GPR157: variants seen among roughly 807,000 people sequenced by gnomAD.
GPR157 encodes G-protein coupled receptor 157.
GPR157 carries 16 observed loss-of-function variants against 23.5 expected under a neutral mutation model. The observed-to-expected ratio is 0.68, with a 90% CI of 0.46 to 1.04. The LOEUF (loss-of-function observed/expected upper bound fraction) is 1.04, where lower values mean the gene tolerates loss of function less well. Among genes scored for constraint, GPR157 ranks in the 50% least tolerant of loss-of-function variants. GPR157 has a pLI of 0.00. For missense variants in GPR157, 440 were observed against 460.7 expected (o/e 0.96, Z 0.41); for synonymous variants, 200 against 221.5 (o/e 0.90, Z 0.86).
intron 2 of GPR157, among the ~76,000 whole-genome samples, chr1:9,109,550 A>C (rs568560138): frequency 4.0e-5 from 6 of 151,828 alleles, no homozygotes; most frequent in African/African-American, 1.5e-4. Context: ...GTGCCACCAC[A>C]TCCAGCTAAT....
chr1:9,121,425 G>A (rs1423406720), intron 1 of GPR157, among the ~76,000 whole-genome samples: 1 of 151,708 alleles, frequency 6.6e-6, no homozygotes, highest in Non-Finnish European at 1.5e-5. Context: ...ATCATTTGAG[G>A]TCAGGAGTTT....
At position 9,128,905 on chromosome 1, in the gene GPR157, G is replaced by A. The variant is rs1163959187; in HGVS notation, c.123C>T (p.Asp41=). The A allele has an allele frequency of 6.5e-7, 1 of 1,548,748 alleles. No homozygotes were observed. The highest frequency in any genetic ancestry group is 8.7e-7 in the Non-Finnish European group (1 of 1,149,292). Residue 41 remains aspartate, a synonymous_variant, in exon 1 of 4, where the codon GAC becomes GAT. Coordinates refer to ENST00000377411, the MANE Select transcript of GPR157 (RefSeq NM_024980.5). The surrounding 1 kb of genome is among the most constrained non-coding windows in gnomAD (Gnocchi z 6.3). Reference sequence around the variant, plus strand: ...GCAGGCGCCGTGCCCGGCTGCGCAGGTCGGGCCACAGGGCGTGCGTGGCCA... The same window carrying A: ...GCAGGCGCCGTGCCCGGCTGCGCAGATCGGGCCACAGGGCGTGCGTGGCCA... The part of the protein sequence containing the change: ...LLVATHALWP[D]LRSRARRLLL...
At chr1:9,112,085 C>T (rs1373377297) in intron 1 of GPR157, among the ~76,000 whole-genome samples, 1 of 152,242 alleles carries the variant, frequency 6.6e-6, no homozygotes, top group Non-Finnish European at 1.5e-5. Flanking sequence ...TCCCAGGTTT[C>T]AGGCCTGTGG....
chr1:9,116,282 AAT>A (rs1349596446), intron 1 of GPR157, among the ~76,000 whole-genome samples: 1 of 1,224 alleles, frequency 8.2e-4, no homozygotes, highest in Non-Finnish European at 1.5e-3. Flanking sequence ...ATTATATATA[AAT>A]TATATATAAA....
intron 2 of GPR157, among the ~76,000 whole-genome samples, chr1:9,106,384 T>C (rs565534075): frequency 2.0e-5 from 3 of 151,656 alleles, no homozygotes; most frequent in Admixed American, 2.0e-4. Context: ...AAAACCCGAG[T>C]CTGCTCCAGT....
Position 9,129,098 on chromosome 1 carries a change from C to G in GPR157, c.-71G>C. The G allele has an allele frequency of 8.4e-7, 1 of 1,193,852 alleles. No individual in the cohort carries two copies. The highest frequency in any genetic ancestry group is 1.0e-6 in the Non-Finnish European group (1 of 964,642). 74.0% of individuals were successfully genotyped at this position (1,193,852 alleles called of 1,614,324 possible). The stretch of plus-strand genomic sequence containing the variant: ...GCCGCGCGTGCGGCCACGCCGCCGC[C>G]GTCTGGGCACCGAGGCGCCCTAGGC... On this transcript the variant is annotated 5_prime_UTR_variant, in exon 1 of 4. Transcript: ENST00000377411.
chr1:9,122,059 A>C (rs1274981834), intron 1 of GPR157, among the ~76,000 whole-genome samples: 1 of 152,018 alleles, frequency 6.6e-6, no homozygotes, highest in Non-Finnish European at 1.5e-5. Context: ...ACCCCTGCTG[A>C]CCCTGGTCTG....
At chr1:9,119,234 T>C (rs1445237764) in intron 1 of GPR157, among the ~76,000 whole-genome samples, 2 of 152,098 alleles carry the variant, frequency 1.3e-5, no homozygotes, top group African/African-American at 4.8e-5. Flanking sequence ...GGTTTCACCA[T>C]GTTGGCCAGA....
At chr1:9,108,521 G>T (rs1393252630) in intron 2 of GPR157, among the ~76,000 whole-genome samples, 1 of 152,184 alleles carries the variant, frequency 6.6e-6, no homozygotes, top group Non-Finnish European at 1.5e-5. Context: ...GGAGTGCCTG[G>T]GATACTTCAT....
At position 9,104,351 on chromosome 1, in the gene GPR157, A is replaced by G; in HGVS notation, c.*68T>C. On this transcript the variant is annotated 3_prime_UTR_variant, in exon 4 of 4. Coordinates refer to ENST00000377411, the MANE Select transcript of GPR157 (RefSeq NM_024980.5). ...AGACATGCACTTCTGCCCCTGCAGC[A>G]GGGACTCACAGAAGTGCCTACCCCC... 2 of 1,150,222 alleles carry G rather than the reference A, an allele frequency of 1.7e-6. No individual in the cohort carries two copies. Among genetic ancestry groups the G allele is most frequent in the Non-Finnish European group, 2.6e-6 (2 of 772,642 alleles). The allele number at this position is 1,150,222 out of a possible 1,614,324, so 71.3% of individuals were successfully genotyped here.
Position 9,120,841 on chromosome 1 carries a change from C to T in GPR157, c.383+7804G>A, listed in dbSNP as rs896783543. Among the ~76,000 whole-genome samples, 1 of 152,188 alleles carries T rather than the reference C, an allele frequency of 6.6e-6. No homozygotes were observed. The highest frequency in any genetic ancestry group is 2.4e-5 in the African/African-American group (1 of 41,444). On this transcript the variant is annotated intron_variant, in intron 1 of 3. Transcript: ENST00000377411. The surrounding 1 kb of genome is among the most constrained non-coding windows in gnomAD (Gnocchi z 4.1). Reference sequence around the variant, plus strand: ...CAGGGACACAGCGCTGCCACCTTCACCAGTCACCTCAGAAAACTTTTATGG... The same window carrying T: ...CAGGGACACAGCGCTGCCACCTTCATCAGTCACCTCAGAAAACTTTTATGG...
intron 1 of GPR157, among the ~76,000 whole-genome samples, chr1:9,113,404 G>C (rs1020632308): frequency 6.6e-6 from 1 of 152,158 alleles, no homozygotes; most frequent in African/African-American, 2.4e-5. Context: ...AGGGCTGGCA[G>C]AGCAGGCCAG....
chr1:9,111,505 A>C lies in GPR157; in HGVS notation c.384-16T>G, dbSNP rs377407472. 134 of 1,607,104 alleles carry C rather than the reference A, an allele frequency of 8.3e-5. No homozygotes were observed. The highest frequency in any genetic ancestry group is 1.1e-4 in the Non-Finnish European group (127 of 1,174,326). On this transcript the variant is annotated splice_polypyrimidine_tract_variant and intron_variant, in intron 1 of 3. Coordinates refer to ENST00000377411, the MANE Select transcript of GPR157 (RefSeq NM_024980.5). Reference sequence around the variant, plus strand: ...GACCCCCCAGCTGAGGAAGGAGGAGAGAAAGAGGCATCGGGGTCAGGCCAT... The same window carrying C: ...GACCCCCCAGCTGAGGAAGGAGGAGCGAAAGAGGCATCGGGGTCAGGCCAT...
intron 1 of GPR157, among the ~76,000 whole-genome samples, chr1:9,123,784 A>G (rs1435894880): frequency 2.3e-5 from 3 of 127,680 alleles, no homozygotes; most frequent in South Asian, 2.1e-4. Flanking sequence ...TATTAAATAT[A>G]TATTTAATAT....
At position 9,128,800 on chromosome 1, in the gene GPR157, C is replaced by T. The variant is rs199898807; in HGVS notation, c.228G>A (p.Ser76=). Residue 76 remains serine (S), a synonymous_variant, in exon 1 of 4, where the codon TCG becomes TCA. Coordinates refer to ENST00000377411, the MANE Select transcript of GPR157 (RefSeq NM_024980.5). This position sits in a 1 kb window ranked among gnomAD's most constrained non-coding sequence, Gnocchi z 6.3. ...GCGCGCCCTGCAGCACGCAGTCCCA[C>T]GACGGGCCCGCGAAGTTCTGCAGCA... ...YGVLQNFAGP[S]WDCVLQGALS... is the part of the protein sequence containing the mutation. The T allele has an allele frequency of 4.0e-5, 65 of 1,610,910 alleles. 1 individual carries two copies. The East Asian group carries it at 8.9e-4, about 22-fold the overall frequency.
At position 9,116,317 on chromosome 1, in the gene GPR157, A is replaced by ATAAT. The variant is rs1491376148; in HGVS notation, c.384-4829_384-4828insATTA. 1.5e-3 allele frequency among the ~76,000 whole-genome samples: 32 copies of ATAAT among 21,536 alleles called. 1 individual carries two copies. In the East Asian group the frequency reaches 0.078, roughly 53 times the overall value. 14.1% of individuals were successfully genotyped at this position (21,536 alleles called of 152,430 possible). A position where few individuals can be genotyped will look rare whatever the true frequency, so the allele number is the denominator to read the frequency against. The stretch of plus-strand genomic sequence containing the variant: ...AAATTATATATATTATATTATATAT[A>ATAAT]ATATATATAAATTATATATAATTTA... On this transcript the variant is annotated intron_variant, in intron 1 of 3. Coordinates refer to ENST00000377411, the MANE Select transcript of GPR157 (RefSeq NM_024980.5).
intron 1 of GPR157, among the ~76,000 whole-genome samples, chr1:9,116,028 G>C (rs1052017284): frequency 2.1e-5 from 3 of 141,660 alleles, no homozygotes; most frequent in African/African-American, 8.0e-5. Flanking sequence ...AATAAATCAA[G>C]CCTTGATTTG....
At position 9,123,161 on chromosome 1, in the gene GPR157, G is replaced by A. The variant is rs1313299396; in HGVS notation, c.383+5484C>T. On this transcript the variant is annotated intron_variant, in intron 1 of 3. Coordinates refer to ENST00000377411, the MANE Select transcript of GPR157 (RefSeq NM_024980.5). The stretch of plus-strand genomic sequence containing the variant: ...CAACAAGAGTGAAACTGTCTTGGGT[G>A]GGAAAAAAAAAAAATATATATATAT... 3.8e-5 allele frequency among the ~76,000 whole-genome samples: 3 copies of A among 78,352 alleles called. No homozygotes were observed. In the South Asian group the frequency reaches 1.3e-3, roughly 33 times the overall value. 51.4% of individuals were successfully genotyped at this position (78,352 alleles called of 152,430 possible).
chr1:9,106,450 G>A (rs1004138748), intron 2 of GPR157, among the ~76,000 whole-genome samples: 4 of 152,154 alleles, frequency 2.6e-5, no homozygotes, highest in African/African-American at 4.8e-5. Context: ...CCTTACGGTC[G>A]CAGCGGGGCC....
Sources: gnomAD v4.1 joint callset for allele counts (sites outside exome capture counted in the v4.1 genomes callset) on GRCh38, gnomAD v4.1.1 for gene constraint, Gnocchi (gnomAD v3.1) non-coding constraint, MANE v1.5 for transcripts, NCBI Gene and HGNC (gene_info 2026-07-23, HGNC 2026-07-21) for gene names.